Variants in BLM observed in about 807,000 individuals in gnomAD.
BLM encodes recQ-like DNA helicase BLM.
In BLM, 95 loss-of-function variants were observed where a neutral mutation model predicts 135.3. That is an observed-to-expected ratio of 0.70 (90% confidence interval 0.59 to 0.83). BLM has a LOEUF of 0.83. Among genes scored for constraint, BLM ranks in the 40% least tolerant of loss-of-function variants. The pLI is 0.00. For synonymous variants in BLM, 520 were observed against 589.2 expected (o/e 0.88, Z 1.70); for missense variants, 1,518 against 1,663.9 (o/e 0.91, Z 1.53).
At chr15:90,761,724 G>A (rs1254218160) in intron 7 of BLM, among the ~76,000 whole-genome samples, 1 of 152,192 alleles carries the variant, frequency 6.6e-6, no homozygotes, top group Admixed American at 6.5e-5. Flanking sequence ...ATGAAGTCAG[G>A]AGTGTCTTAA....
At chr15:90,770,041 A>T (rs2151166947) in intron 12 of BLM, among the ~76,000 whole-genome samples, 1 of 152,150 alleles carries the variant, frequency 6.6e-6, no homozygotes, top group Admixed American at 6.5e-5. Context: ...TGAATCCAGG[A>T]TGTTGAAAAT....
chr15:90,804,396 T>C, intron 19 of BLM, 37 bp downstream of exon 19: 1 of 1,568,624 alleles, frequency 6.4e-7, no homozygotes, highest in Non-Finnish European at 8.8e-7. Context: ...GTGGCACAGA[T>C]TAATAGGCCG....
chr15:90,723,310 G>T (rs1452078019), intron 1 of BLM, among the ~76,000 whole-genome samples: 1 of 150,810 alleles, frequency 6.6e-6, no homozygotes, highest in Non-Finnish European at 1.5e-5. Flanking sequence ...ATGTTTGTGA[G>T]ATTCTTCCAC....
chr15:90,747,848 C>T (rs1029179131), intron 2 of BLM, among the ~76,000 whole-genome samples: 4 of 152,172 alleles, frequency 2.6e-5, no homozygotes, highest in Non-Finnish European at 5.9e-5. Context: ...CGCTCTGTCG[C>T]ACAGGCTGGA....
intron 2 of BLM, among the ~76,000 whole-genome samples, chr15:90,748,242 G>A (rs908917157): frequency 2.6e-5 from 4 of 151,926 alleles, no homozygotes; most frequent in Non-Finnish European, 2.9e-5. Context: ...CCAAGTAGCT[G>A]GGATTACAGG....
chr15:90,787,403 C>G (rs908031761), intron 14 of BLM, among the ~76,000 whole-genome samples: 2 of 152,066 alleles, frequency 1.3e-5, no homozygotes, highest in Admixed American at 6.6e-5. Flanking sequence ...ATAGATCCCT[C>G]TAAATGAAAG....
At chr15:90,748,245 A>T (rs1162722671) in intron 2 of BLM, among the ~76,000 whole-genome samples, 1 of 151,600 alleles carries the variant, frequency 6.6e-6, no homozygotes, top group African/African-American at 2.4e-5. Flanking sequence ...AGTAGCTGGG[A>T]TTACAGGCAT....
In BLM at chr15:90,730,046, G is replaced by C. The variant is rs1034041205; in HGVS notation, c.-5+12606G>C. 3.3e-5 allele frequency among the ~76,000 whole-genome samples: 5 copies of C among 151,930 alleles called. No homozygotes were observed. The South Asian group carries it at 1.0e-3, about 32-fold the overall frequency. ...TTATTTTTTATTTTTAGTAGAGACA[G>C]GGTTTCACTATGTTGGCCAGGCTGA... is the stretch of plus-strand genomic sequence containing the variant. On this transcript the variant is annotated intron_variant, in intron 1 of 21. Coordinates refer to ENST00000355112, the MANE Select transcript of BLM (RefSeq NM_000057.4).
intron 14 of BLM, chr15:90,790,236 C>T (rs1781353007): frequency 1.5e-5 from 4 of 267,122 alleles, no homozygotes; most frequent in Non-Finnish European, 2.9e-5. Context: ...GCCCTGGGAA[C>T]ACCCTGGAGC....
intron 1 of BLM, among the ~76,000 whole-genome samples, chr15:90,735,983 A>G (rs1307276325): frequency 6.6e-6 from 1 of 152,242 alleles, no homozygotes; most frequent in African/African-American, 2.4e-5. Context: ...ATTTTTTAAA[A>G]AGATTCAAAA....
At chr15:90,783,637 C>G (rs28385059) in intron 13 of BLM, among the ~76,000 whole-genome samples, 1 of 152,130 alleles carries the variant, frequency 6.6e-6, no homozygotes. Context: ...CTGTGGTTCA[C>G]GCCTGTAATC....
At chr15:90,727,724 G>T (rs1273536865) in intron 1 of BLM, among the ~76,000 whole-genome samples, 2 of 152,070 alleles carry the variant, frequency 1.3e-5, no homozygotes, top group Non-Finnish European at 2.9e-5. Flanking sequence ...AAGCCTGCAC[G>T]TGAATTCCTA....
intron 12 of BLM, among the ~76,000 whole-genome samples, chr15:90,774,066 C>CTTTTTT (rs61323062): frequency 1.3e-5 from 1 of 76,866 alleles, no homozygotes; most frequent in African/African-American, 6.1e-5. Context: ...GTGCCTCCGT[C>CTTTTTT]TTTTTTTTTT....
chr15:90,729,755 T>G (rs1445246032), intron 1 of BLM, among the ~76,000 whole-genome samples: 1 of 152,248 alleles, frequency 6.6e-6, no homozygotes, highest in Admixed American at 6.5e-5. Context: ...AGGATCAGGA[T>G]ATAGACATCT....
At chr15:90,748,028 G>C (rs1895553631) in intron 2 of BLM, among the ~76,000 whole-genome samples, 1 of 150,854 alleles carries the variant, frequency 6.6e-6, no homozygotes, top group Non-Finnish European at 1.5e-5. Flanking sequence ...GGATGGTCTC[G>C]ATCTCCTGAC....
At chr15:90,805,024 CAG>C (rs1460126411) in intron 19 of BLM, among the ~76,000 whole-genome samples, 1 of 152,044 alleles carries the variant, frequency 6.6e-6, no homozygotes, top group African/African-American at 2.4e-5. Context: ...TTAGTAGAGA[CAG>C]GGTTTCTCCA....
At chr15:90,804,117 G>A (rs1375255815) in intron 18 of BLM, 50 bp from the exon 19 acceptor site, 1 of 1,536,210 alleles carries the variant, frequency 6.5e-7, no homozygotes, top group African/African-American at 1.4e-5. Flanking sequence ...CCCTGTATGG[G>A]TACAAGTGCA....
At position 90,803,356 on chromosome 15, in the gene BLM, G is replaced by A. The variant is rs28385138; in HGVS notation, c.3359-165G>A. 6.6e-5 allele frequency among the ~76,000 whole-genome samples: 10 copies of A among 151,962 alleles called. No homozygotes were observed. In the East Asian group the frequency reaches 1.2e-3, roughly 18 times the overall value. Reference sequence around the variant, plus strand: ...TACATACAACCATAGAAATTTTAGCGTTCTACTCAAATACTCTCATTTAAC... The same window carrying A: ...TACATACAACCATAGAAATTTTAGCATTCTACTCAAATACTCTCATTTAAC... On this transcript the variant is annotated intron_variant, in intron 17 of 21. Coordinates refer to ENST00000355112, the MANE Select transcript of BLM (RefSeq NM_000057.4).
chr15:90,754,073 A>G (rs1175824719), intron 4 of BLM, among the ~76,000 whole-genome samples: 1 of 152,212 alleles, frequency 6.6e-6, no homozygotes, highest in Non-Finnish European at 1.5e-5. Context: ...TCTTTCTTTC[A>G]TAGTCTGACA....
Sources: allele counts gnomAD v4.1 joint callset (sites outside exome capture counted in the v4.1 genomes callset), GRCh38; gene constraint gnomAD v4.1.1; transcripts MANE v1.5; gene names NCBI Gene and HGNC (gene_info 2026-07-23, HGNC 2026-07-21).